PRH1: variants seen among roughly 807,000 people sequenced by gnomAD.
The protein encoded by PRH1 is salivary acidic proline-rich phosphoprotein 1/2.
A neutral mutation model predicts 7.9 loss-of-function variants in PRH1; 7 were observed. The observed-to-expected ratio is 0.89, with a 90% CI of 0.50 to 1.67. PRH1 has a LOEUF of 1.67. Among genes scored for constraint, PRH1 ranks in the 40% most tolerant of loss-of-function variants. The pLI, the probability that PRH1 is intolerant of heterozygous loss-of-function variation, is 0.00. For missense variants in PRH1, 109 were observed against 223.6 expected, an observed-to-expected ratio of 0.49 and a Z score of 3.27; for synonymous variants, 45 against 80.8, an observed-to-expected ratio of 0.56 and a Z score of 2.38.
intron 1 of PRH1, among the ~76,000 whole-genome samples, chr12:11,058,381 T>C (rs1439336240): frequency 6.6e-6 from 1 of 152,242 alleles, no homozygotes; most frequent in Non-Finnish European, 1.5e-5. Flanking sequence ...TAGGTGATGT[T>C]TTCAGGTTTT....
intron 1 of PRH1, among the ~76,000 whole-genome samples, chr12:11,057,926 T>G (rs1943432016): frequency 3.1e-5 from 4 of 130,418 alleles, no homozygotes; most frequent in Admixed American, 3.1e-4. Context: ...TTACATTTTT[T>G]TAAAAACATC....
At chr12:11,127,789 A>C (rs1047887326) in intron 1 of PRH1, among the ~76,000 whole-genome samples, 12 of 150,306 alleles carry the variant, frequency 8.0e-5, no homozygotes, top group African/African-American at 2.9e-4. Flanking sequence ...AGAATACTTA[A>C]ATATTAGTTA....
chr12:10,977,865 C>T lies in PRH1; in HGVS notation c.-125-4144G>A, dbSNP rs148958649. On this transcript the variant is annotated intron_variant, in intron 1 of 3. Transcript: ENST00000539853. ...ACAGCTGACCAGGGAGGTGAAATAT[C>T]GCTACAAAGAGTATTACAAAACATT... Among the ~76,000 whole-genome samples the T allele has an allele frequency of 2.1e-3, 318 of 151,992 alleles. 1 individual carries two copies. The highest frequency in any genetic ancestry group is 4.0e-3 in the Non-Finnish European group (269 of 67,932).
chr12:11,096,891 G>C (rs192786858), intron 1 of PRH1, among the ~76,000 whole-genome samples: 2,985 of 113,000 alleles, frequency 0.026, 887 homozygotes, highest in South Asian at 0.04. Context: ...TCTGTCCCCG[G>C]GGTTCACGCC....
At chr12:10,956,678 C>T (rs893890162) in intron 2 of PRH1, among the ~76,000 whole-genome samples, 2 of 152,158 alleles carry the variant, frequency 1.3e-5, no homozygotes, top group Admixed American at 1.3e-4. Context: ...CCCACAGTTT[C>T]TGGCCAAAAT....
At chr12:11,015,706 A>C (rs1343177200) in intron 1 of PRH1, among the ~76,000 whole-genome samples, 1 of 152,060 alleles carries the variant, frequency 6.6e-6, no homozygotes, top group East Asian at 1.9e-4. Flanking sequence ...TCAATCCTTC[A>C]CTTAGGAGGT....
intron 1 of PRH1, among the ~76,000 whole-genome samples, chr12:11,154,309 G>A (rs1947189226): frequency 6.6e-6 from 1 of 152,124 alleles, no homozygotes; most frequent in South Asian, 2.1e-4. Flanking sequence ...TGCTCTGAGG[G>A]TTCATTGAAA....
intron 1 of PRH1, among the ~76,000 whole-genome samples, chr12:11,144,552 T>A (rs970097106): frequency 6.6e-6 from 1 of 152,114 alleles, no homozygotes; most frequent in East Asian, 1.9e-4. Flanking sequence ...CTTTAGTTCT[T>A]CCCCAGCCTG....
At chr12:11,064,320 G>A (rs1000973268) in intron 1 of PRH1, among the ~76,000 whole-genome samples, 3 of 152,108 alleles carry the variant, frequency 2.0e-5, no homozygotes, top group African/African-American at 4.8e-5. Flanking sequence ...TTGTGTTTCT[G>A]AAATTTAGTC....
chr12:10,921,930 C>T (rs1474741969), intron 2 of PRH1, among the ~76,000 whole-genome samples: 1 of 152,080 alleles, frequency 6.6e-6, no homozygotes, highest in Non-Finnish European at 1.5e-5. Flanking sequence ...CCATACCCGG[C>T]TAATTTTTGT....
intron 1 of PRH1, among the ~76,000 whole-genome samples, chr12:11,170,656 C>G (rs927273227): frequency 5.3e-5 from 8 of 152,220 alleles, no homozygotes; most frequent in African/African-American, 1.2e-4. Context: ...GCTGAAGCTT[C>G]CACAGCTAAT....
At chr12:10,881,879 T>C (rs1169399054) in intron 3 of PRH1, among the ~76,000 whole-genome samples, 1 of 152,182 alleles carries the variant, frequency 6.6e-6, no homozygotes, top group Non-Finnish European at 1.5e-5. Flanking sequence ...GAGCAAAGCA[T>C]GTTCAGGTGA....
chr12:10,904,535 G>T (rs1476008054), intron 2 of PRH1, among the ~76,000 whole-genome samples: 1 of 151,912 alleles, frequency 6.6e-6, no homozygotes, highest in Non-Finnish European at 1.5e-5. Context: ...ACTCAGGATG[G>T]GTCAAAAATT....
chr12:10,892,068 A>T (rs910966067), intron 2 of PRH1: 4 of 152,168 alleles, frequency 2.6e-5, no homozygotes, highest in South Asian at 2.1e-4. Flanking sequence ...CTAGGGCACA[A>T]AACGTAAAAA....
chr12:11,171,120 A>G, intron 1 of PRH1: 2 of 391,036 alleles, frequency 5.1e-6, no homozygotes, highest in Non-Finnish European at 4.5e-6. Flanking sequence ...GCCACCTACC[A>G]TCAGTTGAGC....
chr12:11,144,576 C>T (rs534478399), intron 1 of PRH1, among the ~76,000 whole-genome samples: 1 of 152,326 alleles, frequency 6.6e-6, no homozygotes, highest in South Asian at 2.1e-4. Context: ...CGTCTGCATG[C>T]CCGATTCACA....
chr12:10,937,794 CT>C (rs1361179160), intron 2 of PRH1: 1 of 152,482 alleles, frequency 6.6e-6, no homozygotes, highest in Non-Finnish European at 1.5e-5. Flanking sequence ...AAGCAAATTA[CT>C]TTTTTGCATA....
At chr12:11,026,411 T>A (rs1257759367) in intron 1 of PRH1, among the ~76,000 whole-genome samples, 1 of 104,118 alleles carries the variant, frequency 9.6e-6, no homozygotes, top group Non-Finnish European at 2.2e-5. Context: ...AGTTTGTAGT[T>A]ACTACCTCTT....
chr12:11,068,509 G>A (rs1363528795), intron 1 of PRH1, among the ~76,000 whole-genome samples: 1 of 152,102 alleles, frequency 6.6e-6, no homozygotes, highest in Non-Finnish European at 1.5e-5. Flanking sequence ...GCCACAATTT[G>A]TTTATCCATT....
Sources: allele counts gnomAD v4.1 joint callset (sites outside exome capture counted in the v4.1 genomes callset), GRCh38; gene constraint gnomAD v4.1.1; transcripts MANE v1.5; gene names NCBI Gene and HGNC (gene_info 2026-07-23, HGNC 2026-07-21).